LRP6: variants seen among roughly 807,000 people sequenced by gnomAD.
The protein encoded by LRP6 is LDL receptor related protein 6.
LRP6 carries 43 observed loss-of-function variants against 184.1 expected under a neutral mutation model. The ratio of observed to expected loss-of-function variants is 0.23; its 90% confidence interval spans 0.18 to 0.30. The LOEUF is 0.30. Ranked by LOEUF, LRP6 falls within the 10% of genes least tolerant of loss-of-function variation. The pLI is 1.00. For synonymous variants in LRP6, 719 were observed against 684.9 expected, an observed-to-expected ratio of 1.05 and a Z score of -0.78; for missense variants, 1,571 against 2,005.3, an observed-to-expected ratio of 0.78 and a Z score of 4.14.
chr12:12,242,513 C>A lies in LRP6; in HGVS notation c.449+1749G>T, dbSNP rs146868402. 3.9e-5 allele frequency among the ~76,000 whole-genome samples: 6 copies of A among 152,322 alleles called. No individual in the cohort carries two copies. In the South Asian group the frequency reaches 6.2e-4, roughly 16 times the overall value. On this transcript the variant is annotated intron_variant, in intron 2 of 22. Coordinates refer to ENST00000261349, the MANE Select transcript of LRP6 (RefSeq NM_002336.3). ...AAGCACCAAAATCCTATGTGTTCTA[C>A]AAAGCAGTAACCTCAGAAACATTTC...
intron 12 of LRP6, 82 bp from the exon 13 acceptor site, chr12:12,151,120 T>A (rs902953408): frequency 1.3e-5 from 16 of 1,213,274 alleles, no homozygotes; most frequent in Non-Finnish European, 1.9e-5. Flanking sequence ...GCCTGTTGTA[T>A]GTATTTCATA....
chr12:12,213,326 T>C (rs960944311), intron 2 of LRP6, among the ~76,000 whole-genome samples: 1 of 152,098 alleles, frequency 6.6e-6, no homozygotes, highest in Non-Finnish European at 1.5e-5. Flanking sequence ...TTTTATATCT[T>C]CCTAAAACAT....
intron 2 of LRP6, among the ~76,000 whole-genome samples, chr12:12,239,994 TAA>T (rs201661075): frequency 6.4e-5 from 9 of 139,644 alleles, no homozygotes; most frequent in South Asian, 2.3e-4. Flanking sequence ...GTTAAGATAT[TAA>T]AAAAAAAAAA....
At chr12:12,154,528 GATAA>G (rs546610179) in intron 12 of LRP6, among the ~76,000 whole-genome samples, 28 of 152,282 alleles carry the variant, frequency 1.8e-4, no homozygotes, top group Non-Finnish European at 3.7e-4. Flanking sequence ...ATAGGTGCTT[GATAA>G]ATAAACACTC....
In LRP6 at chr12:12,138,422, A is replaced by C. The variant is rs1451973137; in HGVS notation, c.3510T>G (p.Ile1170Met). ...IDKQQQMIEK[I>M]DMTGREGRTK... Reference sequence around the variant, plus strand: ...TTCTACCCTCTCGACCTGTCATGTCAATTTTTTCAATCATTTGCTGCTGTT... The same window carrying C: ...TTCTACCCTCTCGACCTGTCATGTCCATTTTTTCAATCATTTGCTGCTGTT... Residue 1170 changes from isoleucine (I) to methionine (M), a missense_variant, in exon 16 of 23, where the codon ATT becomes ATG. Physicochemically the swap from Ile to Met is conservative, Grantham distance 10. Transcript: ENST00000261349. 1.2e-6 allele frequency: 2 copies of C among 1,614,108 alleles called. No homozygotes were observed. The highest frequency in any genetic ancestry group is 1.7e-6 in the Non-Finnish European group (2 of 1,180,018).
chr12:12,158,123 T>A (rs894095691), intron 12 of LRP6, among the ~76,000 whole-genome samples: 4 of 152,226 alleles, frequency 2.6e-5, no homozygotes, highest in African/African-American at 9.6e-5. Flanking sequence ...CATGTTCTCA[T>A]ACGCGTTTTC....
chr12:12,122,655 C>T (rs997814105), intron 22 of LRP6, among the ~76,000 whole-genome samples: 1 of 152,002 alleles, frequency 6.6e-6, no homozygotes, highest in Non-Finnish European at 1.5e-5. Flanking sequence ...CATAGCAAGA[C>T]CCCGTCTCTA....
chr12:12,150,688 G>A, intron 13 of LRP6, 148 bp downstream of exon 13: 1 of 802,878 alleles, frequency 1.2e-6, no homozygotes, highest in South Asian at 1.4e-5. Context: ...TCGTCAGAAG[G>A]AAAAAATAAG....
chr12:12,196,364 A>G (rs1020872391), intron 3 of LRP6, among the ~76,000 whole-genome samples: 1 of 151,846 alleles, frequency 6.6e-6, no homozygotes, highest in Non-Finnish European at 1.5e-5. Context: ...TCCCTCTTCA[A>G]TTTCTTTCAT....
chr12:12,266,053 T>G (rs1865747993), intron 1 of LRP6, among the ~76,000 whole-genome samples: 1 of 152,114 alleles, frequency 6.6e-6, no homozygotes, highest in African/African-American at 2.4e-5. Flanking sequence ...ACAAGGGCAA[T>G]GTTTTATTTT....
chr12:12,229,624 C>T (rs1350407415), intron 2 of LRP6, among the ~76,000 whole-genome samples: 1 of 152,162 alleles, frequency 6.6e-6, no homozygotes, highest in Admixed American at 6.5e-5. Flanking sequence ...AAGCACTTAA[C>T]AATGAAGTTG....
In LRP6 at chr12:12,144,523, C is replaced by A. The variant is rs576995634; in HGVS notation, c.3397+2843G>T. 3.3e-5 allele frequency among the ~76,000 whole-genome samples: 5 copies of A among 152,236 alleles called. No individual in the cohort carries two copies. In the East Asian group the frequency reaches 9.7e-4, roughly 29 times the overall value. On this transcript the variant is annotated intron_variant, in intron 15 of 22. Transcript: ENST00000261349. ...GGGTGTGGTGGTGTGTGCCCATAGT[C>A]CTAGCTACTCAGGAAGCTGAGGCAG...
intron 2 of LRP6, among the ~76,000 whole-genome samples, chr12:12,205,329 C>CAAAAAAA (rs56169717): frequency 3.1e-4 from 12 of 39,108 alleles, no homozygotes; most frequent in South Asian, 1.4e-3. Flanking sequence ...CTCAAACAAA[C>CAAAAAAA]AAAAAAAAAA....
chr12:12,261,682 C>T (rs1473019143), intron 1 of LRP6, among the ~76,000 whole-genome samples: 1 of 152,128 alleles, frequency 6.6e-6, no homozygotes, highest in Non-Finnish European at 1.5e-5. Flanking sequence ...AATGTGTTAA[C>T]ATGAATTCTA....
In LRP6 at chr12:12,145,629, T is replaced by C. The variant is rs111515974; in HGVS notation, c.3397+1737A>G. ...CACATTTCTTTTTTCTTTTTCTTTT[T>C]TTTTTTTTTTTTTTTTGAGACAGTC... On this transcript the variant is annotated intron_variant, in intron 15 of 22. Coordinates refer to ENST00000261349, the MANE Select transcript of LRP6 (RefSeq NM_002336.3). Among the ~76,000 whole-genome samples the C allele has an allele frequency of 9.0e-3, 368 of 41,072 alleles. 9 individuals are homozygous for C. In the East Asian group the frequency reaches 0.31, roughly 34 times the overall value. The allele number at this position is 41,072 out of a possible 152,430, so 26.9% of individuals were successfully genotyped here.
At chr12:12,131,793 T>A (rs766249701) in intron 18 of LRP6, 28 bp downstream of exon 18, 41 of 1,576,018 alleles carry the variant, frequency 2.6e-5, no homozygotes, top group Non-Finnish European at 3.2e-5. Context: ...AAGGATTGCA[T>A]GCTGAGGCAC....
At chr12:12,200,809 T>A (rs1863894859) in intron 3 of LRP6, among the ~76,000 whole-genome samples, 1 of 152,200 alleles carries the variant, frequency 6.6e-6, no homozygotes, top group South Asian at 2.1e-4. Context: ...CTCCTGGAAC[T>A]TAGGGTTTGA....
chr12:12,234,287 C>CA (rs552408054), intron 2 of LRP6, among the ~76,000 whole-genome samples: 6,287 of 140,780 alleles, frequency 0.045, 177 homozygotes, highest in Middle Eastern at 0.17. Context: ...AACTCCATCT[C>CA]AAAAAAAAAA....
At chr12:12,265,148 T>C (rs1022770423) in intron 1 of LRP6, among the ~76,000 whole-genome samples, 2 of 152,208 alleles carry the variant, frequency 1.3e-5, no homozygotes, top group Non-Finnish European at 2.9e-5. Flanking sequence ...CATATTCTTA[T>C]GTCAAATATA....
Sources: gnomAD v4.1 joint callset for allele counts (sites outside exome capture counted in the v4.1 genomes callset) on GRCh38, gnomAD v4.1.1 for gene constraint, MANE v1.5 for transcripts, NCBI Gene and HGNC (gene_info 2026-07-23, HGNC 2026-07-21) for gene names.